The following KCNK10 variants were observed in gnomAD, a reference collection of about 807,000 sequenced individuals.
KCNK10 encodes potassium two pore domain channel subfamily K member 10.
KCNK10 carries 25 observed loss-of-function variants against 47.7 expected under a neutral mutation model. The ratio of observed to expected loss-of-function variants is 0.52; its 90% CI spans 0.38 to 0.73. KCNK10 has a LOEUF of 0.73. Ranked by LOEUF, KCNK10 falls within the 30% of genes least tolerant of loss-of-function variation. The pLI is 0.00. For synonymous variants in KCNK10, 303 were observed against 285.6 expected (o/e 1.06, Z -0.61); for missense variants, 563 against 714.5 (o/e 0.79, Z 2.42).
chr14:88,189,960 C>T (rs954726247), intron 5 of KCNK10, among the ~76,000 whole-genome samples: 1 of 152,118 alleles, frequency 6.6e-6, no homozygotes, highest in African/African-American at 2.4e-5. Context: ...TTTTAAGAGA[C>T]CGTGGTCTAC....
At chr14:88,268,806 G>C (rs1887336236) in intron 1 of KCNK10, among the ~76,000 whole-genome samples, 1 of 152,198 alleles carries the variant, frequency 6.6e-6, no homozygotes, top group Non-Finnish European at 1.5e-5. Flanking sequence ...GAATTGATGA[G>C]AAAGGAAATG....
At chr14:88,203,908 G>A (rs1404117763) in intron 4 of KCNK10, among the ~76,000 whole-genome samples, 2 of 152,208 alleles carry the variant, frequency 1.3e-5, no homozygotes, top group African/African-American at 4.8e-5. Flanking sequence ...CTTGGACAGG[G>A]TAGGTAGCAG....
intron 4 of KCNK10, among the ~76,000 whole-genome samples, chr14:88,206,028 T>C (rs1299856888): frequency 2.0e-5 from 3 of 152,210 alleles, no homozygotes; most frequent in African/African-American, 7.2e-5. Flanking sequence ...GTCAGATGGA[T>C]GTACACACAC....
chr14:88,308,163 G>T (rs1566720847), intron 1 of KCNK10, among the ~76,000 whole-genome samples: 1 of 152,090 alleles, frequency 6.6e-6, no homozygotes. Context: ...CCCAGTCAAG[G>T]TTCCCTCGAT....
chr14:88,286,704 G>A (rs960855227), intron 1 of KCNK10, among the ~76,000 whole-genome samples: 1 of 152,172 alleles, frequency 6.6e-6, no homozygotes, highest in African/African-American at 2.4e-5. Flanking sequence ...AGGCAAGAGA[G>A]AATGAGAATC....
intron 3 of KCNK10, among the ~76,000 whole-genome samples, chr14:88,237,581 C>A (rs1184470230): frequency 6.6e-6 from 1 of 152,176 alleles, no homozygotes; most frequent in Non-Finnish European, 1.5e-5. Flanking sequence ...CATCCATGGG[C>A]TGAAGAATGG....
At chr14:88,271,566 T>C (rs1887406350) in intron 1 of KCNK10, among the ~76,000 whole-genome samples, 1 of 152,178 alleles carries the variant, frequency 6.6e-6, no homozygotes, top group Non-Finnish European at 1.5e-5. Flanking sequence ...TCTTGTTCCT[T>C]CATGAAGAGC....
chr14:88,189,230 G>A (rs375362159), intron 5 of KCNK10, among the ~76,000 whole-genome samples: 8 of 152,182 alleles, frequency 5.3e-5, no homozygotes, highest in South Asian at 4.1e-4. Flanking sequence ...GCAACACAGC[G>A]CAGCAGACCA....
chr14:88,216,845 G>A (rs1885635594), intron 4 of KCNK10, among the ~76,000 whole-genome samples: 1 of 152,108 alleles, frequency 6.6e-6, no homozygotes, highest in Non-Finnish European at 1.5e-5. Flanking sequence ...ATTAAAACCA[G>A]GGCCTTCTCT....
At chr14:88,273,680 G>A (rs1043362421) in intron 1 of KCNK10, among the ~76,000 whole-genome samples, 22 of 152,060 alleles carry the variant, frequency 1.4e-4, no homozygotes, top group African/African-American at 2.9e-4. Flanking sequence ...CTCTGACTCC[G>A]CCATGTTGAC....
intron 4 of KCNK10, among the ~76,000 whole-genome samples, chr14:88,194,982 T>C (rs1311203915): frequency 2.0e-5 from 3 of 152,000 alleles, no homozygotes; most frequent in Admixed American, 6.6e-5. Flanking sequence ...TTTAGCAATA[T>C]CTGTTATTCT....
intron 1 of KCNK10, among the ~76,000 whole-genome samples, chr14:88,265,818 C>T (rs1887236630): frequency 6.6e-6 from 1 of 152,120 alleles, no homozygotes; most frequent in Non-Finnish European, 1.5e-5. Context: ...AGGTGGGTTC[C>T]CTTGCACATG....
intron 5 of KCNK10, among the ~76,000 whole-genome samples, chr14:88,191,321 A>G: frequency 7.1e-6 from 1 of 141,196 alleles, no homozygotes; most frequent in East Asian, 2.2e-4. Context: ...CTGCCACTTC[A>G]CCAGGAACTG....
Position 88,260,914 on chromosome 14 carries a change from C to T in KCNK10, c.402+2288G>A, listed in dbSNP as rs1425228401. ...CAAAACAGGACACCAGTCTTAATGG[C>T]AGCATCAGAATAAGGACCTCCACGC... On this transcript the variant is annotated intron_variant, in intron 2 of 6. Transcript: ENST00000319231. The surrounding 1 kb of genome is among the most constrained non-coding windows in gnomAD (Gnocchi z 4.5). 2.0e-5 allele frequency among the ~76,000 whole-genome samples: 3 copies of T among 152,194 alleles called. No individual in the cohort carries two copies. The highest frequency in any genetic ancestry group is 2.1e-4 in the South Asian group (1 of 4,836).
At chr14:88,310,680 A>C (rs750707902) in intron 1 of KCNK10, among the ~76,000 whole-genome samples, 1 of 152,214 alleles carries the variant, frequency 6.6e-6, no homozygotes, top group Non-Finnish European at 1.5e-5. Context: ...AGAAGCTTTC[A>C]TTAATTCAGG....
rs1467607775 is a variant in KCNK10 at position 88,323,080 on chromosome 14, G to C, written c.-282C>G. ...TCGGCGAGGGGTGGATGAAAGGATG[G>C]AGAGGAAGGCTTGGGGAGATGGAAG... On this transcript the variant is annotated 5_prime_UTR_variant, in exon 1 of 7. Coordinates refer to ENST00000319231, the MANE Select transcript of KCNK10 (RefSeq NM_138317.3). 5.3e-5 allele frequency: 67 copies of C among 1,265,556 alleles called. No homozygotes were observed. Among genetic ancestry groups the C allele is most frequent in the Non-Finnish European group, 6.6e-5 (66 of 996,498 alleles). 78.4% of individuals were successfully genotyped at this position (1,265,556 alleles called of 1,614,324 possible). A position where few individuals can be genotyped will look rare whatever the true frequency, so the allele number is the denominator to read the frequency against.
rs751802842 is a variant in KCNK10, at chr14:88,180,526, G to A, written c.*5009C>T. On this transcript the variant is annotated 3_prime_UTR_variant, in exon 7 of 7. Coordinates refer to ENST00000319231, the MANE Select transcript of KCNK10 (RefSeq NM_138317.3). ...TCCGCAGTTACCTTCTGCAGCATAG[G>A]TCTGCTGAATCGACGGAGCAGGAGT... 29 of 320,166 alleles carry A rather than the reference G, an allele frequency of 9.1e-5. No individual in the cohort carries two copies. The highest frequency in any genetic ancestry group is 1.5e-4 in the Non-Finnish European group (27 of 177,412). The allele number at this position is 320,166 out of a possible 1,614,324, so 19.8% of individuals were successfully genotyped here.
intron 4 of KCNK10, among the ~76,000 whole-genome samples, chr14:88,220,043 C>T (rs554281361): frequency 6.6e-6 from 1 of 152,168 alleles, no homozygotes; most frequent in Admixed American, 6.5e-5. Flanking sequence ...GATTTTTCTT[C>T]CATAAAAGGA....
chr14:88,294,376 G>A (rs895683587), intron 1 of KCNK10, among the ~76,000 whole-genome samples: 1 of 152,258 alleles, frequency 6.6e-6, no homozygotes, highest in Admixed American at 6.5e-5. Context: ...TTCCAAGATG[G>A]AACTTGCCTA....
Sources: gnomAD v4.1 joint callset for allele counts (sites outside exome capture counted in the v4.1 genomes callset) on GRCh38, gnomAD v4.1.1 for gene constraint, Gnocchi (gnomAD v3.1) non-coding constraint, MANE v1.5 for transcripts, NCBI Gene and HGNC (gene_info 2026-07-23, HGNC 2026-07-21) for gene names.